PCLO: variants seen among roughly 807,000 people sequenced by gnomAD.
PCLO encodes protein piccolo.
In PCLO, 82 loss-of-function variants were observed where a neutral mutation model predicts 427.5. That is an observed-to-expected ratio of 0.19 (90% CI 0.16 to 0.23). The LOEUF (loss-of-function observed/expected upper bound fraction) is 0.23, where lower values mean the gene tolerates loss of function less well. PCLO is among the 10% of genes least tolerant of loss of function. The pLI is 1.00. For missense variants in PCLO, 6,239 were observed against 6,115.9 expected (o/e 1.02, Z -0.67); for synonymous variants, 2,357 against 2,155.4 (o/e 1.09, Z -2.59).
chr7:82,795,386 T>C (rs1042909214), intron 22 of PCLO, among the ~76,000 whole-genome samples: 3 of 152,192 alleles, frequency 2.0e-5, no homozygotes, highest in Non-Finnish European at 2.9e-5. Context: ...TTTTTAATTT[T>C]GGCAAGCTAC....
intron 2 of PCLO, among the ~76,000 whole-genome samples, chr7:83,139,789 GA>G (rs1329279076): frequency 6.6e-6 from 1 of 152,070 alleles, no homozygotes; most frequent in East Asian, 1.9e-4. Flanking sequence ...AATACGGGTT[GA>G]AATCATTATC....
intron 4 of PCLO, among the ~76,000 whole-genome samples, chr7:82,964,330 T>C (rs1465736479): frequency 6.6e-6 from 1 of 152,034 alleles, no homozygotes; most frequent in African/African-American, 2.4e-5. Flanking sequence ...GCAGAAACTG[T>C]TTCTACAGAG....
intron 3 of PCLO, among the ~76,000 whole-genome samples, chr7:82,987,282 T>C (rs1796276999): frequency 6.6e-6 from 1 of 150,570 alleles, no homozygotes; most frequent in South Asian, 2.1e-4. Context: ...TAGAAAAAAA[T>C]CCTCTCAGTT....
intron 10 of PCLO, among the ~76,000 whole-genome samples, chr7:82,847,712 T>G (rs1792541847): frequency 6.6e-6 from 1 of 152,198 alleles, no homozygotes; most frequent in Non-Finnish European, 1.5e-5. Context: ...TTTCAGAAAC[T>G]GTTGTAGCTT....
At chr7:83,104,002 A>G (rs1790795236) in intron 3 of PCLO, among the ~76,000 whole-genome samples, 1 of 152,036 alleles carries the variant, frequency 6.6e-6, no homozygotes, top group Admixed American at 6.6e-5. Context: ...TACTTTTTAA[A>G]GTTGAAAATT....
At chr7:83,145,495 C>G (rs1165727630) in intron 2 of PCLO, among the ~76,000 whole-genome samples, 1 of 152,046 alleles carries the variant, frequency 6.6e-6, no homozygotes, top group East Asian at 1.9e-4. Flanking sequence ...ATGTGATCTC[C>G]TATAAAAAGG....
intron 3 of PCLO, among the ~76,000 whole-genome samples, chr7:82,992,315 C>T (rs1325264122): frequency 6.6e-6 from 1 of 152,024 alleles, no homozygotes; most frequent in Admixed American, 6.6e-5. Flanking sequence ...GGAAAGAAGA[C>T]AAATGAGTAC....
intron 3 of PCLO, among the ~76,000 whole-genome samples, chr7:83,013,921 GTTA>G (rs746210537): frequency 2.0e-5 from 3 of 152,052 alleles, no homozygotes; most frequent in Non-Finnish European, 4.4e-5. Context: ...GGATTTTATT[GTTA>G]TTATTGTTCC....
chr7:83,033,734 T>C (rs1167601209), intron 3 of PCLO, among the ~76,000 whole-genome samples: 5 of 152,196 alleles, frequency 3.3e-5, no homozygotes, highest in African/African-American at 1.2e-4. Flanking sequence ...CATATATTAG[T>C]TTGTACTACT....
chr7:82,930,903 C>A (rs1049147556), intron 6 of PCLO, among the ~76,000 whole-genome samples: 1 of 152,026 alleles, frequency 6.6e-6, no homozygotes, highest in Non-Finnish European at 1.5e-5. Flanking sequence ...CTATGGAACA[C>A]CATTGAACAG....
At position 82,949,709 on chromosome 7, in the gene PCLO, T is replaced by C. The variant is rs757017895; in HGVS notation, c.10879A>G (p.Ile3627Val). Reference protein sequence around the residue: ...PKSPKVLYSPISPLSPGKALE... With the variant: ...PKSPKVLYSPVSPLSPGKALE... The stretch of plus-strand genomic sequence containing the variant: ...GCTTTGCCTGGTGAAAGTGGTGAGA[T>C]GGGTGAGTAAAGGACTTTGGGGGAT... The change falls in exon 6 of 25, where the codon ATC (isoleucine) becomes GTC (valine). Residue 3627 changes from isoleucine (I) to valine (V), a missense_variant. Around this residue, in one of 5 missense-constraint regions of PCLO, gnomAD observed 4,677 missense variants for 4,468.4 expected, o/e 1.05. Coordinates refer to ENST00000333891, the MANE Select transcript of PCLO (RefSeq NM_033026.6). 4 of 1,613,570 alleles carry C rather than the reference T, an allele frequency of 2.5e-6. No individual in the cohort carries two copies. Among genetic ancestry groups the C allele is most frequent in the South Asian group, 1.1e-5 (1 of 91,076 alleles).
Position 83,155,798 on chromosome 7 carries a change from A to G in PCLO, c.843T>C (p.Pro281=), listed in dbSNP as rs1181205378. ...KLPLQRDASR[P]QTKQADIVRG... ...TTACTATGTCTGCCTGTTTAGTCTG[A>G]GGCCTGGATGCATCTCGTTGAAGTG... is the stretch of plus-strand genomic sequence containing the variant. The change falls in exon 2 of 25, where the codon CCT becomes CCC. Residue 281 remains proline (P), a synonymous_variant. Transcript: ENST00000333891. 1 of 1,613,824 alleles carries G rather than the reference A, an allele frequency of 6.2e-7. No homozygotes were observed.
intron 20 of PCLO, among the ~76,000 whole-genome samples, chr7:82,813,037 T>G (rs1791605326): frequency 6.6e-6 from 1 of 151,712 alleles, no homozygotes; most frequent in African/African-American, 2.4e-5. Flanking sequence ...TGTGAGAACT[T>G]ACATCACGAC....
At position 82,949,522 on chromosome 7, in the gene PCLO, G is replaced by A; in HGVS notation, c.11066C>T (p.Ala3689Val). The change falls in exon 6 of 25, where the codon GCA becomes GTA. Residue 3689 changes from alanine to valine, a missense_variant. This residue lies in a region of PCLO where 4,677 missense variants were observed against 4,468.4 expected (regional missense o/e 1.05). Transcript: ENST00000333891. ...AAAAGGAGCCCTGGAACTTTCGTCT[G>A]CTGTTGGACTCAGAGGCTTGGGGTC... ...MSDPKPLSPT[A>V]DESSRAPFQY... 1 of 1,612,740 alleles carries A rather than the reference G, an allele frequency of 6.2e-7. No individual in the cohort carries two copies. Among genetic ancestry groups the A allele is most frequent in the South Asian group, 1.1e-5 (1 of 90,950 alleles).
chr7:82,933,060 T>G (rs1440137345), intron 6 of PCLO, among the ~76,000 whole-genome samples: 1 of 152,006 alleles, frequency 6.6e-6, no homozygotes, highest in East Asian at 1.9e-4. Context: ...TCACCTTACC[T>G]TTCTAGGTTA....
At chr7:82,905,991 G>A (rs1339594172) in intron 8 of PCLO, among the ~76,000 whole-genome samples, 1 of 150,746 alleles carries the variant, frequency 6.6e-6, no homozygotes, top group Non-Finnish European at 1.5e-5. Flanking sequence ...TACCGAAGAA[G>A]GCAGAGGTTA....
chr7:82,822,783 A>G, intron 19 of PCLO, 94 bp from the exon 20 acceptor site: 1 of 997,138 alleles, frequency 1.0e-6, no homozygotes, highest in Non-Finnish European at 1.6e-6. Context: ...CCTAAAATTT[A>G]TGTTAATTCT....
chr7:83,114,257 T>C (rs914281734), intron 3 of PCLO, among the ~76,000 whole-genome samples: 4 of 152,056 alleles, frequency 2.6e-5, no homozygotes, highest in African/African-American at 9.7e-5. Context: ...TCTGCAGAGA[T>C]TGTACAAATA....
chr7:82,814,718 T>C (rs2115592372), intron 20 of PCLO, among the ~76,000 whole-genome samples: 1 of 152,024 alleles, frequency 6.6e-6, no homozygotes, highest in East Asian at 1.9e-4. Flanking sequence ...CATGACACCT[T>C]ATGTAGCTGC....
Sources: gnomAD v4.1 joint callset for allele counts (sites outside exome capture counted in the v4.1 genomes callset) on GRCh38, gnomAD v4.1.1 for gene constraint, gnomAD v4.1.1 regional missense constraint, MANE v1.5 for transcripts, NCBI Gene and HGNC (gene_info 2026-07-23, HGNC 2026-07-21) for gene names.